TSGA10: variants seen among roughly 807,000 people sequenced by gnomAD.
The protein encoded by TSGA10 is testis specific 10.
A neutral mutation model predicts 96.6 loss-of-function variants in TSGA10; 43 were observed. That is an observed-to-expected ratio of 0.44 (90% CI 0.35 to 0.57). The LOEUF is 0.57. Ranked by LOEUF, TSGA10 falls within the 20% of genes least tolerant of loss-of-function variation. The pLI is 0.01. For missense variants in TSGA10, 703 were observed against 834.4 expected (o/e 0.84, Z 1.94); for synonymous variants, 229 against 269.9 (o/e 0.85, Z 1.48).
chr2:99,063,920 T>C (rs904517215), intron 16 of TSGA10, among the ~76,000 whole-genome samples: 1 of 152,042 alleles, frequency 6.6e-6, no homozygotes, highest in African/African-American at 2.4e-5. Context: ...GAATCCTAAA[T>C]GGCAAAGAAA....
intron 17 of TSGA10, among the ~76,000 whole-genome samples, chr2:99,032,945 G>T (rs1233005059): frequency 6.6e-6 from 1 of 152,214 alleles, no homozygotes; most frequent in Non-Finnish European, 1.5e-5. Context: ...TTTTTCAGGA[G>T]CATGTGCATG....
chr2:99,100,747 G>C (rs1183974854), intron 10 of TSGA10, among the ~76,000 whole-genome samples: 1 of 147,896 alleles, frequency 6.8e-6, no homozygotes, highest in Non-Finnish European at 1.5e-5. Flanking sequence ...GTGAACCCCG[G>C]AGGCAGAGCT....
chr2:99,091,810 C>T (rs1431224797), intron 10 of TSGA10, among the ~76,000 whole-genome samples: 1 of 151,962 alleles, frequency 6.6e-6, no homozygotes, highest in African/African-American at 2.4e-5. Context: ...TAGACAGAAG[C>T]ACAATAATAG....
chr2:99,136,375 C>T (rs1421223696), intron 1 of TSGA10, among the ~76,000 whole-genome samples: 1 of 152,158 alleles, frequency 6.6e-6, no homozygotes, highest in Non-Finnish European at 1.5e-5. Context: ...TAGAATCTTA[C>T]AATTTCAACC....
chr2:99,062,913 C>G (rs6542860), intron 16 of TSGA10, among the ~76,000 whole-genome samples: 88,821 of 152,088 alleles, frequency 0.58, 27,508 homozygotes, highest in African/African-American at 0.8. Context: ...ATCATGAAAT[C>G]TGATACATTT....
chr2:99,144,096 C>T (rs2093606372), intron 1 of TSGA10, among the ~76,000 whole-genome samples: 1 of 152,154 alleles, frequency 6.6e-6, no homozygotes, highest in Non-Finnish European at 1.5e-5. Flanking sequence ...TCTCCGCTCA[C>T]TGGAAGCTCT....
At chr2:99,090,490 G>A (rs1201117384) in intron 10 of TSGA10, among the ~76,000 whole-genome samples, 1 of 152,098 alleles carries the variant, frequency 6.6e-6, no homozygotes, top group Non-Finnish European at 1.5e-5. Context: ...GGAGGCACCA[G>A]AAAAGGGCAA....
In TSGA10 at chr2:99,129,856, T is replaced by A. The variant is rs557671068; in HGVS notation, c.-620-2680A>T. On this transcript the variant is annotated intron_variant, in intron 1 of 20. Coordinates refer to ENST00000393483, the MANE Select transcript of TSGA10 (RefSeq NM_025244.4). Reference sequence around the variant, plus strand: ...CCTGTGTCCATGAGTTCTCACTGTTTAACTCCCACTTATGAGTAAGAACAT... The same window carrying A: ...CCTGTGTCCATGAGTTCTCACTGTTAAACTCCCACTTATGAGTAAGAACAT... 3.9e-5 allele frequency among the ~76,000 whole-genome samples: 6 copies of A among 152,338 alleles called. No individual in the cohort carries two copies. In the South Asian group the frequency reaches 1.2e-3, roughly 32 times the overall value.
At chr2:99,110,281 C>T (rs1368542194) in intron 5 of TSGA10, among the ~76,000 whole-genome samples, 1 of 152,236 alleles carries the variant, frequency 6.6e-6, no homozygotes, top group Non-Finnish European at 1.5e-5. Flanking sequence ...TACTTGTAAG[C>T]ATTCCCACAA....
Position 99,147,793 on chromosome 2 carries a change from C to G in TSGA10, c.-621+6900G>C, listed in dbSNP as rs1174410281. The stretch of plus-strand genomic sequence containing the variant: ...TGCATATTTTACTGTCTTTCTGTAT[C>G]TATGTATCTATCTATCTATTGCTAA... On this transcript the variant is annotated intron_variant, in intron 1 of 20. Coordinates refer to ENST00000393483, the MANE Select transcript of TSGA10 (RefSeq NM_025244.4). Among the ~76,000 whole-genome samples the G allele has an allele frequency of 9.3e-6, 1 of 107,676 alleles. No homozygotes were observed. 70.6% of individuals were successfully genotyped at this position (107,676 alleles called of 152,430 possible).
At chr2:99,040,565 G>A (rs2082091876) in intron 16 of TSGA10, among the ~76,000 whole-genome samples, 1 of 152,032 alleles carries the variant, frequency 6.6e-6, no homozygotes, top group South Asian at 2.1e-4. Context: ...AACCAAGGAG[G>A]TGAAAGAGCT....
intron 10 of TSGA10, among the ~76,000 whole-genome samples, chr2:99,088,658 A>T (rs1367344586): frequency 1.3e-5 from 2 of 152,232 alleles, no homozygotes; most frequent in Non-Finnish European, 2.9e-5. Flanking sequence ...ATGCATGCTT[A>T]CCATGTAACC....
At chr2:99,092,170 G>A (rs1294656868) in intron 10 of TSGA10, among the ~76,000 whole-genome samples, 2 of 152,068 alleles carry the variant, frequency 1.3e-5, no homozygotes, top group Non-Finnish European at 2.9e-5. Context: ...TAAATAATCT[G>A]CTCCTGAATG....
In TSGA10 at chr2:99,092,426, A is replaced by G. The variant is rs1374547701; in HGVS notation, c.612-11029T>C. On this transcript the variant is annotated intron_variant, in intron 10 of 20. Transcript: ENST00000393483. The stretch of plus-strand genomic sequence containing the variant: ...CAAACTCAGCAGAAGAAAAGAAATA[A>G]TAAATATCAGAGCAAAATGAAATGA... Among the ~76,000 whole-genome samples, 3 of 152,160 alleles carry G rather than the reference A, an allele frequency of 2.0e-5. No homozygotes were observed. In the East Asian group the frequency reaches 5.8e-4, roughly 29 times the overall value.
At chr2:99,069,423 A>G (rs2104497081) in intron 14 of TSGA10, among the ~76,000 whole-genome samples, 1 of 152,254 alleles carries the variant, frequency 6.6e-6, no homozygotes, top group Non-Finnish European at 1.5e-5. Context: ...AAATGCTCAT[A>G]AAAACAAGAA....
At chr2:99,065,561 T>C (rs779128610) in intron 15 of TSGA10, among the ~76,000 whole-genome samples, 1 of 152,224 alleles carries the variant, frequency 6.6e-6, no homozygotes, top group Non-Finnish European at 1.5e-5. Flanking sequence ...GCTACAGAGC[T>C]TCTGAGTACT....
intron 14 of TSGA10, among the ~76,000 whole-genome samples, chr2:99,069,916 T>C (rs1377651453): frequency 6.6e-6 from 1 of 151,908 alleles, no homozygotes; most frequent in Non-Finnish European, 1.5e-5. Flanking sequence ...GAAAAAAAAA[T>C]CGTGCTAAAA....
chr2:99,055,136 A>C (rs1219184044), intron 16 of TSGA10, among the ~76,000 whole-genome samples: 4 of 152,210 alleles, frequency 2.6e-5, no homozygotes, highest in Non-Finnish European at 5.9e-5. Flanking sequence ...ATGGATAGCA[A>C]ACTTGTGGTA....
chr2:99,087,654 G>A (rs1279792908), intron 10 of TSGA10, among the ~76,000 whole-genome samples: 1 of 152,114 alleles, frequency 6.6e-6, no homozygotes, highest in Non-Finnish European at 1.5e-5. Flanking sequence ...CACCACTACT[G>A]TCCAGCCTGA....
Sources: gnomAD v4.1 joint callset for allele counts (sites outside exome capture counted in the v4.1 genomes callset) on GRCh38, gnomAD v4.1.1 for gene constraint, MANE v1.5 for transcripts, NCBI Gene and HGNC (gene_info 2026-07-23, HGNC 2026-07-21) for gene names.